Variants in SAMM50 observed in about 807,000 individuals in gnomAD.
The protein encoded by SAMM50 is sorting and assembly machinery component 50 homolog.
A neutral mutation model predicts 66.9 loss-of-function variants in SAMM50; 47 were observed. The observed-to-expected ratio is 0.70, with a 90% CI of 0.56 to 0.90. The LOEUF (loss-of-function observed/expected upper bound fraction) is 0.90. Among genes scored for constraint, SAMM50 ranks in the 40% least tolerant of loss-of-function variants. The pLI, the probability that SAMM50 is intolerant of heterozygous loss-of-function variation, is 0.00. For missense variants in SAMM50, 535 were observed against 595.3 expected (o/e 0.90, Z 1.05); for synonymous variants, 191 against 214.1 (o/e 0.89, Z 0.94).
intron 14 of SAMM50, among the ~76,000 whole-genome samples, chr22:43,994,104 C>T (rs546697138): frequency 6.6e-6 from 1 of 152,274 alleles, no homozygotes; most frequent in East Asian, 1.9e-4. Context: ...AGAGGGCCCC[C>T]TGGAGCAGGT....
intron 2 of SAMM50, among the ~76,000 whole-genome samples, chr22:43,963,882 G>A (rs2146807522): frequency 6.7e-6 from 1 of 149,732 alleles, no homozygotes; most frequent in East Asian, 1.9e-4. Flanking sequence ...TTTAGAGGAT[G>A]CATACAGTTT....
chr22:43,963,126 G>A (rs139159475), intron 1 of SAMM50, 160 bp from the exon 2 acceptor site: 5,430 of 477,756 alleles, frequency 0.011, 50 homozygotes, highest in Non-Finnish European at 0.016. Flanking sequence ...AATAGCTGAC[G>A]GCACCTTTTT....
At chr22:43,964,321 A>C in intron 2 of SAMM50, 131 bp from the exon 3 acceptor site, 1 of 549,122 alleles carries the variant, frequency 1.8e-6, no homozygotes, top group South Asian at 2.7e-5. Context: ...TAAAGTCCAG[A>C]GGTAAGAAGT....
At chr22:43,984,776 A>G (rs58222967) in intron 12 of SAMM50, among the ~76,000 whole-genome samples, 6,356 of 151,422 alleles carry the variant, frequency 0.042, 444 homozygotes, top group African/African-American at 0.15. Context: ...TTACAGGCAC[A>G]CACCACCACG....
chr22:43,995,716 C>G (rs2050349811), intron 14 of SAMM50, among the ~76,000 whole-genome samples: 1 of 152,192 alleles, frequency 6.6e-6, no homozygotes, highest in Non-Finnish European at 1.5e-5. Context: ...CCTCTTTGCT[C>G]CTCTCTGAAA....
At chr22:43,984,029 T>A in intron 12 of SAMM50, 29 bp downstream of exon 12, 1 of 1,591,022 alleles carries the variant, frequency 6.3e-7, no homozygotes, top group Non-Finnish European at 8.6e-7. Flanking sequence ...CGGCGCCAAG[T>A]CTAGAAGGCT....
Position 43,963,292 on chromosome 22 carries a change from G to T in SAMM50, c.28G>T (p.Glu10Ter). 6.2e-7 allele frequency: 1 copy of T among 1,606,658 alleles called. No homozygotes were observed. The highest frequency in any genetic ancestry group is 8.5e-7 in the Non-Finnish European group (1 of 1,176,274). Reference sequence around the variant, plus strand: ...GTCGCTCCCTCCCTTTCAGAGTTTGGAGCCTCTTCCATCAAGTGGACCTGA... The same window carrying T: ...GTCGCTCCCTCCCTTTCAGAGTTTGTAGCCTCTTCCATCAAGTGGACCTGA... MGTVHARSLEPLPSSGPDFG... is the reference protein window; with the variant it reads MGTVHARSL The change falls in exon 2 of 15, where the codon GAG becomes TAG. Residue 10 changes from glutamate (E) to a stop codon, truncating the protein, a stop_gained. Transcript: ENST00000350028. LOFTEE classifies it high-confidence loss of function.
chr22:43,960,295 T>C lies in SAMM50; in HGVS notation c.22-2991T>C, dbSNP rs1199996297. Among the ~76,000 whole-genome samples, 6 of 152,188 alleles carry C rather than the reference T, an allele frequency of 3.9e-5. No homozygotes were observed. In the East Asian group the frequency reaches 9.6e-4, roughly 24 times the overall value. On this transcript the variant is annotated intron_variant, in intron 1 of 14. Transcript: ENST00000350028. ...ATCTTCCTTACCCACAAGGACCCGG[T>C]CTTGGTCACTGCTGTGAACCCAGCA...
At chr22:43,976,479 G>A (rs1487834526) in intron 8 of SAMM50, among the ~76,000 whole-genome samples, 1 of 152,242 alleles carries the variant, frequency 6.6e-6, no homozygotes, top group African/African-American at 2.4e-5. Flanking sequence ...CGAGCTCCTT[G>A]AGAGAACGAA....
chr22:43,964,717 C>T (rs1175324218), intron 3 of SAMM50, among the ~76,000 whole-genome samples, 164 bp downstream of exon 3: 1 of 152,182 alleles, frequency 6.6e-6, no homozygotes, highest in African/African-American at 2.4e-5. Context: ...CCCCCGAATT[C>T]CTGTGGTGCC....
At chr22:43,966,827 G>A (rs1373917655) in intron 3 of SAMM50, among the ~76,000 whole-genome samples, 1 of 143,922 alleles carries the variant, frequency 6.9e-6, no homozygotes, top group Non-Finnish European at 1.5e-5. Flanking sequence ...TTTCTGTTTA[G>A]TGTTCATTCA....
chr22:43,970,089 A>G (rs2050195834), intron 4 of SAMM50, among the ~76,000 whole-genome samples: 1 of 152,222 alleles, frequency 6.6e-6, no homozygotes, highest in African/African-American at 2.4e-5. Context: ...GTTTCAGCCA[A>G]CACTAACAGA....
intron 1 of SAMM50, 99 bp from the exon 2 acceptor site, chr22:43,963,187 C>G: frequency 1.4e-6 from 1 of 702,154 alleles, no homozygotes; most frequent in Admixed American, 2.7e-5. Flanking sequence ...GGAACAACTA[C>G]TGAATTTTCT....
At position 43,976,110 on chromosome 22, in the gene SAMM50, T is replaced by A. The variant is rs761326583; in HGVS notation, c.704T>A (p.Leu235Gln). The change falls in exon 8 of 15, where the codon CTG (leucine) becomes CAG (glutamine). Residue 235 changes from leucine to glutamine, a missense_variant. By Grantham distance (113) the Leu-to-Gln change is moderately radical. Coordinates refer to ENST00000350028, the MANE Select transcript of SAMM50 (RefSeq NM_015380.5). The part of the protein sequence containing the change: ...TVKWEGVWRE[L>Q]GCLSRTASFA... ...AAGTGGGAAGGCGTATGGCGAGAAC[T>A]GGGCTGCCTCTCAAGGACGGCGTCA... 2.5e-6 allele frequency: 4 copies of A among 1,612,750 alleles called. No individual in the cohort carries two copies. In the Admixed American group the frequency reaches 6.7e-5, roughly 27 times the overall value.
intron 14 of SAMM50, among the ~76,000 whole-genome samples, chr22:43,994,365 A>G (rs568681348): frequency 6.6e-6 from 1 of 152,284 alleles, no homozygotes; most frequent in East Asian, 1.9e-4. Flanking sequence ...CTTTGAGCTC[A>G]GGACTTCATC....
chr22:43,996,275 G>A, intron 14 of SAMM50, 63 bp from the exon 15 acceptor site: 1 of 1,560,640 alleles, frequency 6.4e-7, no homozygotes, highest in Non-Finnish European at 8.8e-7. Flanking sequence ...CATGCTCAGT[G>A]AGTCGTGAAG....
chr22:43,979,382 C>T (rs1019081567), intron 10 of SAMM50, among the ~76,000 whole-genome samples: 39 of 152,314 alleles, frequency 2.6e-4, no homozygotes, highest in Admixed American at 1.4e-3. Context: ...TCTGTACCCA[C>T]GCCTGGGCTC....
At chr22:43,979,839 C>G (rs1005118540) in intron 10 of SAMM50, among the ~76,000 whole-genome samples, 3 of 151,800 alleles carry the variant, frequency 2.0e-5, no homozygotes, top group Non-Finnish European at 2.9e-5. Flanking sequence ...ATTGGCTCAC[C>G]CTGACTTTCA....
At chr22:43,956,088 TGTTTTAAA>T (rs1417836913) in intron 1 of SAMM50, among the ~76,000 whole-genome samples, 4 of 152,192 alleles carry the variant, frequency 2.6e-5, no homozygotes, top group Admixed American at 1.3e-4. Flanking sequence ...CCTTACTTCC[TGTTTTAAA>T]GTGGAGGTAG....
Sources: allele counts gnomAD v4.1 joint callset (sites outside exome capture counted in the v4.1 genomes callset), GRCh38; gene constraint gnomAD v4.1.1; transcripts MANE v1.5; gene names NCBI Gene and HGNC (gene_info 2026-07-23, HGNC 2026-07-21).